The following IQCB1 variants were observed in gnomAD, a reference collection of about 807,000 sequenced individuals.
IQCB1 encodes the protein IQ calmodulin-binding motif-containing protein 1.
In IQCB1, 56 loss-of-function variants were observed where a neutral mutation model predicts 84.4. The observed-to-expected ratio is 0.66, with a 90% CI of 0.54 to 0.83. The LOEUF (loss-of-function observed/expected upper bound fraction) is 0.83. Ranked by LOEUF, IQCB1 falls within the 40% of genes least tolerant of loss-of-function variation. IQCB1 has a pLI of 0.00. For missense variants in IQCB1, 629 were observed against 682.1 expected, an observed-to-expected ratio of 0.92 and a Z score of 0.87; for synonymous variants, 210 against 234.8, an observed-to-expected ratio of 0.89 and a Z score of 0.96.
At chr3:121,827,633 TA>T (rs1464105503) in intron 4 of IQCB1, among the ~76,000 whole-genome samples, 3 of 152,098 alleles carry the variant, frequency 2.0e-5, no homozygotes, top group African/African-American at 7.2e-5. Flanking sequence ...GAATATCACA[TA>T]TATTTTTCAA....
intron 5 of IQCB1, among the ~76,000 whole-genome samples, chr3:121,818,079 C>T: frequency 1.3e-5 from 2 of 152,280 alleles, no homozygotes; most frequent in South Asian, 4.1e-4. Flanking sequence ...GCAGCCTGAA[C>T]AGAGTAAGTC....
chr3:121,781,983 A>G, intron 12 of IQCB1, 109 bp from the exon 13 acceptor site: 1 of 1,097,552 alleles, frequency 9.1e-7, no homozygotes, highest in Non-Finnish European at 1.4e-6. Flanking sequence ...ATTAACTCTG[A>G]GTGTGTATAA....
intron 5 of IQCB1, among the ~76,000 whole-genome samples, chr3:121,809,971 T>G (rs1439547367): frequency 6.7e-6 from 1 of 149,306 alleles, no homozygotes; most frequent in Non-Finnish European, 1.5e-5. Context: ...ATAAGAAACG[T>G]CACATTAGAG....
chr3:121,819,751 T>C (rs1950208719), intron 5 of IQCB1, among the ~76,000 whole-genome samples: 2 of 152,184 alleles, frequency 1.3e-5, no homozygotes, highest in Non-Finnish European at 2.9e-5. Flanking sequence ...CTCTATAGTG[T>C]TGCCATCCAA....
intron 5 of IQCB1, 62 bp downstream of exon 5, chr3:121,825,989 T>C: frequency 6.9e-7 from 1 of 1,447,410 alleles, no homozygotes; most frequent in South Asian, 1.2e-5. Flanking sequence ...ATTTAAAAAA[T>C]AACAGAACAG....
intron 12 of IQCB1, among the ~76,000 whole-genome samples, chr3:121,784,804 C>A (rs1488539549): frequency 6.6e-6 from 1 of 151,904 alleles, no homozygotes; most frequent in African/African-American, 2.4e-5. Flanking sequence ...ACTTCAGCCT[C>A]CCGAGTAGCC....
rs1406369877 is a variant in IQCB1, at chr3:121,807,367, T to C, written c.564A>G (p.Leu188=). Residue 188 remains leucine, a synonymous_variant, in exon 7 of 15, where the codon CTA becomes CTG. Coordinates refer to ENST00000310864, the MANE Select transcript of IQCB1 (RefSeq NM_001023570.4). ...VQIGSAVMMM[L]QNILQINSGD... ...ACCTGTTGATCTGTAGTATATTCTG[T>C]AGCATCATCATGACTGCAGATCCTA... is the stretch of plus-strand genomic sequence containing the variant. The C allele has an allele frequency of 2.6e-6, 4 of 1,560,472 alleles. No homozygotes were observed. The highest frequency in any genetic ancestry group is 3.5e-6 in the Non-Finnish European group (4 of 1,131,798).
intron 5 of IQCB1, among the ~76,000 whole-genome samples, chr3:121,810,973 A>C (rs1025676924): frequency 6.6e-6 from 1 of 152,196 alleles, no homozygotes; most frequent in Non-Finnish European, 1.5e-5. Context: ...CACTGAGTTA[A>C]ATTCTCTGCC....
chr3:121,813,256 A>G (rs975420864), intron 5 of IQCB1, among the ~76,000 whole-genome samples: 2 of 152,208 alleles, frequency 1.3e-5, no homozygotes, highest in African/African-American at 2.4e-5. Context: ...GCTGCCTTAC[A>G]AGAGTCCTGA....
intron 12 of IQCB1, among the ~76,000 whole-genome samples, chr3:121,788,071 A>G (rs1948807867): frequency 2.0e-5 from 3 of 152,238 alleles, no homozygotes; most frequent in African/African-American, 2.4e-5. Flanking sequence ...AGTATAGTAA[A>G]TGATGTACAA....
At chr3:121,783,245 C>T (rs1019580266) in intron 12 of IQCB1, among the ~76,000 whole-genome samples, 11 of 152,152 alleles carry the variant, frequency 7.2e-5, no homozygotes, top group Non-Finnish European at 1.5e-4. Flanking sequence ...GATTCAAGGG[C>T]AACAATTTAA....
chr3:121,793,296 T>C (rs2108556476), intron 10 of IQCB1, among the ~76,000 whole-genome samples: 1 of 152,190 alleles, frequency 6.6e-6, no homozygotes, highest in Non-Finnish European at 1.5e-5. Context: ...GAGAAATGAC[T>C]AAATAAAAAA....
chr3:121,770,833 C>T (rs1034504160), intron 14 of IQCB1, among the ~76,000 whole-genome samples: 3 of 152,098 alleles, frequency 2.0e-5, no homozygotes, highest in Admixed American at 1.3e-4. Context: ...TGCCACCACA[C>T]CCAGCTAATG....
At chr3:121,784,313 T>A (rs1342018017) in intron 12 of IQCB1, among the ~76,000 whole-genome samples, 1 of 152,118 alleles carries the variant, frequency 6.6e-6, no homozygotes, top group Non-Finnish European at 1.5e-5. Context: ...TCTGAGTAGC[T>A]GGGATTACAG....
intron 4 of IQCB1, 140 bp from the exon 5 acceptor site, chr3:121,826,320 G>T: frequency 2.4e-6 from 2 of 826,042 alleles, no homozygotes; most frequent in Non-Finnish European, 3.9e-6. Flanking sequence ...TGAAAAATTA[G>T]TCTAACAACT....
At chr3:121,822,394 A>G (rs1950306964) in intron 5 of IQCB1, among the ~76,000 whole-genome samples, 1 of 152,082 alleles carries the variant, frequency 6.6e-6, no homozygotes, top group Non-Finnish European at 1.5e-5. Context: ...TTGCAGTATA[A>G]CTTGGCTGAG....
At chr3:121,832,965 A>C (rs1375188741) in intron 2 of IQCB1, among the ~76,000 whole-genome samples, 1 of 152,210 alleles carries the variant, frequency 6.6e-6, no homozygotes, top group East Asian at 1.9e-4. Context: ...ACACATACAC[A>C]GGGTATCTTT....
chr3:121,792,742 A>C (rs1004116681), intron 10 of IQCB1, among the ~76,000 whole-genome samples: 1 of 151,974 alleles, frequency 6.6e-6, no homozygotes, highest in Non-Finnish European at 1.5e-5. Context: ...TATTGGATTC[A>C]TATGTTTTAC....
At chr3:121,784,921 G>T (rs772539715) in intron 12 of IQCB1, among the ~76,000 whole-genome samples, 1 of 152,012 alleles carries the variant, frequency 6.6e-6, no homozygotes, top group South Asian at 2.1e-4. Flanking sequence ...TGATCCTCCC[G>T]CCTCAGCCTC....
Sources: allele counts gnomAD v4.1 joint callset (sites outside exome capture counted in the v4.1 genomes callset), GRCh38; gene constraint gnomAD v4.1.1; transcripts MANE v1.5; gene names NCBI Gene and HGNC (gene_info 2026-07-23, HGNC 2026-07-21).